CLASP2: variants seen among roughly 807,000 people sequenced by gnomAD.
The protein encoded by CLASP2 is CLIP-associating protein 2.
A neutral mutation model predicts 194.4 loss-of-function variants in CLASP2; 47 were observed. The ratio of observed to expected loss-of-function variants is 0.24; its 90% CI spans 0.19 to 0.31. The LOEUF (loss-of-function observed/expected upper bound fraction) is 0.31. Among genes scored for constraint, CLASP2 ranks in the 10% least tolerant of loss-of-function variants. The pLI is 1.00. For missense variants in CLASP2, 1,445 were observed against 1,823.6 expected (o/e 0.79, Z 3.78); for synonymous variants, 619 against 633.5 (o/e 0.98, Z 0.34).
intron 12 of CLASP2, 100 bp downstream of exon 12, chr3:33,619,503 G>A: frequency 9.6e-7 from 1 of 1,040,644 alleles, no homozygotes; most frequent in South Asian, 2.0e-5. Context: ...CTTACATTGA[G>A]AGAGAGGGGT....
At chr3:33,668,178 C>A (rs1489076601) in intron 6 of CLASP2, among the ~76,000 whole-genome samples, 1 of 152,194 alleles carries the variant, frequency 6.6e-6, no homozygotes, top group African/African-American at 2.4e-5. Flanking sequence ...GAGATCGTGC[C>A]ATTGCACTCC....
At chr3:33,592,329 A>G in intron 21 of CLASP2, 66 bp downstream of exon 21, 1 of 1,124,976 alleles carries the variant, frequency 8.9e-7, no homozygotes, top group South Asian at 1.3e-5. Flanking sequence ...TAATACAGTA[A>G]TACAAAAGCA....
At chr3:33,508,458 G>C (rs1273601150) in intron 37 of CLASP2, among the ~76,000 whole-genome samples, 1 of 152,074 alleles carries the variant, frequency 6.6e-6, no homozygotes, top group African/African-American at 2.4e-5. Flanking sequence ...AGCCTCCTGA[G>C]TAGCTAGAAT....
chr3:33,641,134 T>A (rs1281033026), intron 8 of CLASP2, among the ~76,000 whole-genome samples: 1 of 151,942 alleles, frequency 6.6e-6, no homozygotes, highest in Non-Finnish European at 1.5e-5. Context: ...ATATATACAT[T>A]CTTTCATTTA....
intron 6 of CLASP2, among the ~76,000 whole-genome samples, chr3:33,672,403 A>G (rs1006830951): frequency 2.6e-5 from 4 of 152,208 alleles, no homozygotes; most frequent in African/African-American, 9.6e-5. Flanking sequence ...TAGAAGGAAA[A>G]CGAACAAACA....
Position 33,544,827 on chromosome 3 carries a change from C to T in CLASP2, c.3168G>A (p.Val1056=), listed in dbSNP as rs766977937. The part of the protein sequence containing the change: ...SSDVRKAAQS[V]LISLFELNTP... ...TATTGAGTTCAAATAATGAAATCAG[C>T]ACTGACTGTGCTGCCTAAAAAACAA... is the stretch of plus-strand genomic sequence containing the variant. The change falls in exon 31 of 39, where the codon GTG becomes GTA. Residue 1056 remains valine (V), a synonymous_variant. Transcript: ENST00000682230. 6.2e-7 allele frequency: 1 copy of T among 1,608,320 alleles called. No homozygotes were observed. The highest frequency in any genetic ancestry group is 8.5e-7 in the Non-Finnish European group (1 of 1,177,784).
chr3:33,526,693 C>A (rs574448266), intron 34 of CLASP2, among the ~76,000 whole-genome samples: 11 of 152,310 alleles, frequency 7.2e-5, no homozygotes, highest in African/African-American at 2.6e-4. Context: ...CTCATCATCA[C>A]ATGGCACATA....
chr3:33,513,164 G>T (rs1385042168), intron 36 of CLASP2, among the ~76,000 whole-genome samples: 1 of 152,132 alleles, frequency 6.6e-6, no homozygotes, highest in African/African-American at 2.4e-5. Context: ...ACAAATATTA[G>T]GTATCATTTT....
chr3:33,591,433 C>A (rs1466351791), intron 21 of CLASP2, among the ~76,000 whole-genome samples: 2 of 152,006 alleles, frequency 1.3e-5, no homozygotes, highest in Non-Finnish European at 1.5e-5. Context: ...GGCAACACAG[C>A]AAGACCCCAT....
At chr3:33,544,603 T>C in intron 31 of CLASP2, 95 bp downstream of exon 31, 2 of 1,151,870 alleles carry the variant, frequency 1.7e-6, no homozygotes, top group Non-Finnish European at 2.4e-6. Context: ...AAAAATTATA[T>C]ATTAAGGATC....
intron 9 of CLASP2, among the ~76,000 whole-genome samples, chr3:33,630,884 C>G (rs1382446298): frequency 6.6e-6 from 1 of 152,124 alleles, no homozygotes; most frequent in Non-Finnish European, 1.5e-5. Flanking sequence ...TCCTACAACA[C>G]TAATCTTTCC....
intron 13 of CLASP2, among the ~76,000 whole-genome samples, chr3:33,609,671 C>T (rs1310818850): frequency 6.6e-6 from 1 of 152,188 alleles, no homozygotes; most frequent in Non-Finnish European, 1.5e-5. Context: ...ATTGAGGCAA[C>T]ATAATCTGTA....
At chr3:33,637,689 A>G (rs1272421247) in intron 8 of CLASP2, among the ~76,000 whole-genome samples, 1 of 152,250 alleles carries the variant, frequency 6.6e-6, no homozygotes, top group Non-Finnish European at 1.5e-5. Flanking sequence ...GCTGTTGGCC[A>G]GACAGATAGG....
intron 10 of CLASP2, 104 bp downstream of exon 10, chr3:33,626,884 A>C (rs2078153967): frequency 1.6e-6 from 1 of 641,308 alleles, no homozygotes; most frequent in Non-Finnish European, 2.7e-6. Flanking sequence ...CAGACTCTCT[A>C]TTTTATAAGT....
chr3:33,585,704 G>A lies in CLASP2; in HGVS notation c.2069-784C>T, dbSNP rs534252721. Among the ~76,000 whole-genome samples, 14 of 151,914 alleles carry A rather than the reference G, an allele frequency of 9.2e-5. No homozygotes were observed. The South Asian group carries it at 2.5e-3, about 27-fold the overall frequency. Reference sequence around the variant, plus strand: ...GAACAATGTACACTGTACCCAATACGCAGTCTTTTGTTCCTCATCTCCTTC... The same window carrying A: ...GAACAATGTACACTGTACCCAATACACAGTCTTTTGTTCCTCATCTCCTTC... On this transcript the variant is annotated intron_variant, in intron 21 of 38. Transcript: ENST00000682230.
At chr3:33,505,971 T>A (rs2048058510) in intron 37 of CLASP2, among the ~76,000 whole-genome samples, 1 of 152,222 alleles carries the variant, frequency 6.6e-6, no homozygotes, top group African/African-American at 2.4e-5. Flanking sequence ...TTTAAAATAT[T>A]ATACTATGTC....
chr3:33,611,706 T>C (rs977091478), intron 13 of CLASP2, among the ~76,000 whole-genome samples: 19 of 152,136 alleles, frequency 1.2e-4, no homozygotes, highest in Admixed American at 1.1e-3. Flanking sequence ...ATGGCAGTTG[T>C]AGGACTCAAG....
chr3:33,555,375 T>C (rs1057282695), intron 29 of CLASP2, among the ~76,000 whole-genome samples: 3 of 151,920 alleles, frequency 2.0e-5, no homozygotes, highest in Non-Finnish European at 2.9e-5. Flanking sequence ...GATTTTTTTT[T>C]TTTTTTTTGA....
chr3:33,600,950 AG>A (rs1008962386), intron 18 of CLASP2, among the ~76,000 whole-genome samples: 1 of 145,318 alleles, frequency 6.9e-6, no homozygotes. Context: ...TTGCTTGATA[AG>A]GCTTTTTTTT....
Sources: gnomAD v4.1 joint callset for allele counts (sites outside exome capture counted in the v4.1 genomes callset) on GRCh38, gnomAD v4.1.1 for gene constraint, MANE v1.5 for transcripts, NCBI Gene and HGNC (gene_info 2026-07-23, HGNC 2026-07-21) for gene names.